The following DUXA variants were observed in gnomAD, a reference collection of about 807,000 sequenced individuals.
DUXA encodes double homeobox A, also known as double homeobox protein A.
Under a neutral mutation model 27.5 loss-of-function variants are expected in DUXA, and 25 were observed. The observed-to-expected ratio is 0.91, with a 90% CI of 0.66 to 1.27. The LOEUF is 1.27. Among genes scored for constraint, DUXA ranks in the 50% most tolerant of loss-of-function variants. DUXA has a pLI of 0.00. For synonymous variants in DUXA, 90 were observed against 80.5 expected (o/e 1.12, Z -0.63); for missense variants, 247 against 242.9 (o/e 1.02, Z -0.11).
At chr19:57,164,724 C>T (rs971989804) in intron 1 of DUXA, among the ~76,000 whole-genome samples, 1 of 152,124 alleles carries the variant, frequency 6.6e-6, no homozygotes, top group Non-Finnish European at 1.5e-5. Flanking sequence ...CAAATAATTA[C>T]ATACATCCTT....
At chr19:57,161,399 G>T (rs1186464679) in intron 1 of DUXA, among the ~76,000 whole-genome samples, 1 of 145,428 alleles carries the variant, frequency 6.9e-6, no homozygotes, top group Non-Finnish European at 1.5e-5. Flanking sequence ...CGAGGCGGGC[G>T]GATCACAAGG....
chr19:57,165,738 G>A (rs928519728), intron 1 of DUXA, among the ~76,000 whole-genome samples: 1 of 145,080 alleles, frequency 6.9e-6, no homozygotes, highest in Non-Finnish European at 1.5e-5. Context: ...CCGGGAGGCA[G>A]AGCTTGCAGT....
intron 1 of DUXA, among the ~76,000 whole-genome samples, chr19:57,166,094 C>T (rs1181883769): frequency 1.3e-5 from 2 of 151,872 alleles, no homozygotes; most frequent in Non-Finnish European, 2.9e-5. Flanking sequence ...GTTTGAGAGA[C>T]ATTGCAGGAG....
At chr19:57,157,719 G>A (rs537110169) in intron 4 of DUXA, among the ~76,000 whole-genome samples, 5 of 152,046 alleles carry the variant, frequency 3.3e-5, no homozygotes, top group Admixed American at 6.6e-5. Context: ...GGCCGGGCAC[G>A]GTGGCTCAGC....
At chr19:57,159,136 G>C in intron 3 of DUXA, 31 bp downstream of exon 3, 1 of 1,583,662 alleles carries the variant, frequency 6.3e-7, no homozygotes, top group Non-Finnish European at 8.6e-7. Flanking sequence ...GAGAAGCTCT[G>C]CTGGGGAACA....
Position 57,155,367 on chromosome 19 carries a change from C to A in DUXA, c.444G>T (p.Trp148Cys). The change falls in exon 5 of 6, where the codon TGG becomes TGT. Residue 148 changes from tryptophan (W) to cysteine (C), a missense_variant. Trp to Cys is a radical substitution (Grantham distance 215, BLOSUM62 -2). Transcript: ENST00000554048. ...IGVPESRVQI[W>C]FQNRRSRLLL... ...GTAATCTAGATCTTCGATTTTGGAA[C>A]CAAATCTAAGTGGTAAGACAAAGAA... 1 of 1,612,958 alleles carries A rather than the reference C, an allele frequency of 6.2e-7. No individual in the cohort carries two copies. Among genetic ancestry groups the A allele is most frequent in the Non-Finnish European group, 8.5e-7 (1 of 1,178,978 alleles).
intron 1 of DUXA, among the ~76,000 whole-genome samples, chr19:57,165,538 G>A (rs1246979183): frequency 6.7e-6 from 1 of 150,198 alleles, no homozygotes; most frequent in Admixed American, 6.7e-5. Context: ...GGGCACGGTG[G>A]CTCACGCCTG....
chr19:57,154,773 C>T (rs536550115), intron 5 of DUXA, among the ~76,000 whole-genome samples: 1 of 151,984 alleles, frequency 6.6e-6, no homozygotes, highest in Non-Finnish European at 1.5e-5. Context: ...CCGTGTTAGC[C>T]AGGATGGTCT....
rs2086978867 is a variant in DUXA at position 57,154,193 on chromosome 19, G to A, written c.*219C>T. The A allele has an allele frequency of 1.6e-5, 8 of 495,924 alleles. No homozygotes were observed. Among genetic ancestry groups the A allele is most frequent in the Admixed American group, 1.0e-4 (3 of 29,662 alleles). The allele number at this position is 495,924 out of a possible 1,614,324, so 30.7% of individuals were successfully genotyped here. On this transcript the variant is annotated 3_prime_UTR_variant, in exon 6 of 6. Transcript: ENST00000554048. ...TAGAGGCAGAGTCTTGCTATATGTTGTCCAGGCTGGTTTCAAACTCCTGAG... is the reference window on the plus strand; with the variant it reads ...TAGAGGCAGAGTCTTGCTATATGTTATCCAGGCTGGTTTCAAACTCCTGAG...
intron 4 of DUXA, among the ~76,000 whole-genome samples, chr19:57,158,056 T>C (rs1379679429): frequency 6.6e-6 from 1 of 151,754 alleles, no homozygotes; most frequent in African/African-American, 2.4e-5. Context: ...TAATATTCAC[T>C]CACTCAACAA....
At position 57,155,286 on chromosome 19, in the gene DUXA, C is replaced by A; in HGVS notation, c.525G>T (p.Lys175Asn). The A allele has an allele frequency of 6.2e-7, 1 of 1,614,158 alleles. No homozygotes were observed. Among genetic ancestry groups the A allele is most frequent in the South Asian group, 1.1e-5 (1 of 91,076 alleles). Residue 175 changes from lysine to asparagine, a missense_variant, in exon 5 of 6, where the codon AAG (lysine) becomes AAT (asparagine). Transcript: ENST00000554048. ...AGTTACCTTGCAGTCCCTCAGGAAT[C>A]TTGCCCTGCTCTTCTTGTTCTAAGG... Reference protein sequence around the residue: ...VASLEQEEQGKIPEGLQGAED... With the variant: ...VASLEQEEQGNIPEGLQGAED...
At chr19:57,154,582 T>A (rs147982862) in intron 5 of DUXA, 100 bp from the exon 6 acceptor site, 4 of 878,952 alleles carry the variant, frequency 4.6e-6, no homozygotes, top group Non-Finnish European at 6.7e-6. Context: ...TTTTTTTTTT[T>A]AGACGGAGTC....
Position 57,155,646 on chromosome 19 carries a change from A to AAGACAGATAGATAGATAGATAGATAGAT in DUXA, c.439-275_439-274insATCTATCTATCTATCTATCTATCTGTCT, listed in dbSNP as rs1555757951. Among the ~76,000 whole-genome samples the AAGACAGATAGATAGATAGATAGATAGAT allele has an allele frequency of 2.1e-5, 3 of 144,120 alleles. No individual in the cohort carries two copies. The South Asian group carries it at 7.1e-4, about 34-fold the overall frequency. The allele number at this position is 144,120 out of a possible 152,430, so 94.5% of individuals were successfully genotyped here. ...AGGCACACTTGACTGTGCCCAACCC[A>AAGACAGATAGATAGATAGATAGATAGAT]AGATAGATAGATAGATAGATAGATA... On this transcript the variant is annotated intron_variant, in intron 4 of 5. Coordinates refer to ENST00000554048, the MANE Select transcript of DUXA (RefSeq NM_001012729.2).
In DUXA at chr19:57,160,774, G is replaced by C; in HGVS notation, c.49C>G (p.Arg17Gly). 6.2e-7 allele frequency: 1 copy of C among 1,614,034 alleles called. No homozygotes were observed. The highest frequency in any genetic ancestry group is 8.5e-7 in the Non-Finnish European group (1 of 1,180,018). Reference sequence around the variant, plus strand: ...TCTTCTGTGAATTTTGTGCGACAGCGCCTATGATTTGTTTTTACCATCTCT... The same window carrying C: ...TCTTCTGTGAATTTTGTGCGACAGCCCCTATGATTTGTTTTTACCATCTCT... ...SHKMVKTNHRRCRTKFTEEQL... is the reference protein window; with the variant it reads ...SHKMVKTNHRGCRTKFTEEQL... The change falls in exon 2 of 6, where the codon CGC becomes GGC. Residue 17 changes from arginine to glycine, a missense_variant. By Grantham distance (125) the Arg-to-Gly change is moderately radical. Transcript: ENST00000554048.
At chr19:57,167,391 A>C (rs968176677) in intron 1 of DUXA, 28 bp downstream of exon 1, 23 of 1,612,558 alleles carry the variant, frequency 1.4e-5, no homozygotes, top group Non-Finnish European at 1.9e-5. Flanking sequence ...AAACCAACAA[A>C]AGCTCAGTCA....
chr19:57,158,479 G>C lies in DUXA; in HGVS notation c.293-6C>G. Reference sequence around the variant, plus strand: ...ACACCGTCTGGCTTCTCTACCTAGGGAAGGCATGGAAAGATGGAGGGGGGC... The same window carrying C: ...ACACCGTCTGGCTTCTCTACCTAGGCAAGGCATGGAAAGATGGAGGGGGGC... On this transcript the variant is annotated splice_polypyrimidine_tract_variant and splice_region_variant and intron_variant, in intron 3 of 5. Coordinates refer to ENST00000554048, the MANE Select transcript of DUXA (RefSeq NM_001012729.2). 6.2e-7 allele frequency: 1 copy of C among 1,609,338 alleles called. No individual in the cohort carries two copies. The highest frequency in any genetic ancestry group is 8.5e-7 in the Non-Finnish European group (1 of 1,176,072).
At chr19:57,157,503 T>A (rs1402045873) in intron 4 of DUXA, among the ~76,000 whole-genome samples, 3 of 151,994 alleles carry the variant, frequency 2.0e-5, no homozygotes, top group Admixed American at 2.0e-4. Flanking sequence ...GGTTAATTTT[T>A]GTATTTTTGT....
chr19:57,156,220 G>A (rs1475526732), intron 4 of DUXA, among the ~76,000 whole-genome samples: 2 of 151,808 alleles, frequency 1.3e-5, no homozygotes, highest in East Asian at 3.9e-4. Context: ...CCAATTCCCA[G>A]AATAGAGAAT....
chr19:57,157,856 T>C (rs1052322285), intron 4 of DUXA, among the ~76,000 whole-genome samples: 6 of 151,844 alleles, frequency 4.0e-5, no homozygotes, highest in Non-Finnish European at 7.4e-5. Context: ...TAGCCAGGCG[T>C]GGTGGCACAC....
Sources: allele counts gnomAD v4.1 joint callset (sites outside exome capture counted in the v4.1 genomes callset), GRCh38; gene constraint gnomAD v4.1.1; transcripts MANE v1.5; gene names NCBI Gene and HGNC (gene_info 2026-07-23, HGNC 2026-07-21).